KCNMA1: variants seen among roughly 807,000 people sequenced by gnomAD.
KCNMA1 encodes potassium calcium-activated channel subfamily M alpha 1, also known as Calcium-activated potassium channel subunit alpha-1.
In KCNMA1, 29 loss-of-function variants were observed where a neutral mutation model predicts 140.0. That is an observed-to-expected ratio of 0.21 (90% CI 0.15 to 0.28). The LOEUF (loss-of-function observed/expected upper bound fraction) is 0.28. KCNMA1 is among the 10% of genes least tolerant of loss of function. The pLI is 1.00. For missense variants in KCNMA1, 880 were observed against 1,602.2 expected, an observed-to-expected ratio of 0.55 and a Z score of 7.70; for synonymous variants, 612 against 611.9, an observed-to-expected ratio of 1.00 and a Z score of 0.00.
At chr10:77,407,032 C>T (rs964101473) in intron 1 of KCNMA1, among the ~76,000 whole-genome samples, 3 of 152,176 alleles carry the variant, frequency 2.0e-5, no homozygotes, top group Non-Finnish European at 2.9e-5. Context: ...AATGCTATTT[C>T]GCCAGCCCTC....
At chr10:77,008,919 T>A in intron 18 of KCNMA1, among the ~76,000 whole-genome samples, 1 of 152,236 alleles carries the variant, frequency 6.6e-6, no homozygotes, top group South Asian at 2.1e-4. Flanking sequence ...AACTAAAACA[T>A]CTTCTCCAAT....
At chr10:77,157,105 G>A (rs542883356) in intron 5 of KCNMA1, among the ~76,000 whole-genome samples, 84 of 152,206 alleles carry the variant, frequency 5.5e-4, no homozygotes, top group African/African-American at 1.9e-3. Context: ...AATCCACTGG[G>A]TGACTACACA....
At chr10:77,252,943 C>G (rs534867234) in intron 2 of KCNMA1, among the ~76,000 whole-genome samples, 3 of 151,996 alleles carry the variant, frequency 2.0e-5, no homozygotes, top group Admixed American at 1.3e-4. Context: ...AATTATCACC[C>G]GCCCAGCACT....
intron 10 of KCNMA1, among the ~76,000 whole-genome samples, chr10:77,090,153 G>C (rs151134966): frequency 6.6e-6 from 1 of 152,076 alleles, no homozygotes; most frequent in African/African-American, 2.4e-5. Context: ...AGATAAACTC[G>C]GATGTGGTCC....
chr10:77,198,874 T>C (rs1420122071), intron 3 of KCNMA1, among the ~76,000 whole-genome samples: 1 of 152,120 alleles, frequency 6.6e-6, no homozygotes, highest in Non-Finnish European at 1.5e-5. Context: ...TGCTTATAAA[T>C]TACTCCTTCT....
intron 19 of KCNMA1, 72 bp downstream of exon 19, chr10:77,001,335 G>A: frequency 2.9e-6 from 4 of 1,391,852 alleles, no homozygotes; most frequent in Non-Finnish European, 4.0e-6. Context: ...GAACCACAGG[G>A]CACAGCACAA....
At chr10:77,275,961 C>G (rs956227835) in intron 2 of KCNMA1, among the ~76,000 whole-genome samples, 4 of 152,198 alleles carry the variant, frequency 2.6e-5, no homozygotes, top group African/African-American at 9.7e-5. Flanking sequence ...CCTCACCAGC[C>G]CTGTCCCATG....
chr10:77,277,890 A>G (rs1292877514), intron 2 of KCNMA1, among the ~76,000 whole-genome samples: 2 of 152,198 alleles, frequency 1.3e-5, no homozygotes, highest in African/African-American at 2.4e-5. Flanking sequence ...GGGACTTTTC[A>G]GTTTCTAAGA....
At chr10:77,589,710 G>C (rs1039213346) in intron 1 of KCNMA1, among the ~76,000 whole-genome samples, 87 of 152,132 alleles carry the variant, frequency 5.7e-4, no homozygotes, top group African/African-American at 2.0e-3. Context: ...TCCTTCTGGT[G>C]GGTTCATGGT....
intron 2 of KCNMA1, among the ~76,000 whole-genome samples, chr10:77,330,295 C>T (rs1340989946): frequency 6.6e-6 from 1 of 152,190 alleles, no homozygotes; most frequent in Non-Finnish European, 1.5e-5. Context: ...CACAACAGAG[C>T]CACTCTCCAC....
At chr10:76,926,895 A>G (rs1175097649) in intron 23 of KCNMA1, among the ~76,000 whole-genome samples, 1 of 152,156 alleles carries the variant, frequency 6.6e-6, no homozygotes, top group Non-Finnish European at 1.5e-5. Context: ...CCAGGTACAC[A>G]TCATATCCTC....
chr10:77,300,786 C>T (rs1365807032), intron 2 of KCNMA1, among the ~76,000 whole-genome samples: 1 of 152,204 alleles, frequency 6.6e-6, no homozygotes, highest in African/African-American at 2.4e-5. Context: ...AAGCCACCAT[C>T]TCCTTTCTTC....
chr10:77,055,410 G>A (rs749256129), intron 14 of KCNMA1, among the ~76,000 whole-genome samples: 3 of 152,254 alleles, frequency 2.0e-5, no homozygotes, highest in South Asian at 2.1e-4. Flanking sequence ...TAACTAATGC[G>A]AGGTAACTCT....
chr10:77,430,943 A>C (rs1237008050), intron 1 of KCNMA1, among the ~76,000 whole-genome samples: 1 of 152,120 alleles, frequency 6.6e-6, no homozygotes, highest in Non-Finnish European at 1.5e-5. Context: ...CAACACAATA[A>C]AGCCTCCCCA....
At chr10:77,225,569 G>A (rs777328115) in intron 3 of KCNMA1, among the ~76,000 whole-genome samples, 4 of 152,138 alleles carry the variant, frequency 2.6e-5, no homozygotes, top group Admixed American at 1.3e-4. Flanking sequence ...ACAGGCCTGC[G>A]GAGTGCAGTG....
At chr10:76,907,928 G>C (rs955109383) in intron 25 of KCNMA1, among the ~76,000 whole-genome samples, 1 of 152,100 alleles carries the variant, frequency 6.6e-6, no homozygotes, top group African/African-American at 2.4e-5. Context: ...TATGTAGCCA[G>C]TCCTGCTAGA....
At chr10:77,284,359 C>A (rs2069889155) in intron 2 of KCNMA1, among the ~76,000 whole-genome samples, 1 of 152,044 alleles carries the variant, frequency 6.6e-6, no homozygotes. Flanking sequence ...GTTGAGACAG[C>A]CTATTGATAA....
At chr10:77,077,683 C>T (rs2096441282) in intron 13 of KCNMA1, among the ~76,000 whole-genome samples, 1 of 152,214 alleles carries the variant, frequency 6.6e-6, no homozygotes, top group Non-Finnish European at 1.5e-5. Context: ...AGCACTCCCA[C>T]ACTAAATGAA....
intron 17 of KCNMA1, among the ~76,000 whole-genome samples, chr10:77,014,683 T>G: frequency 6.6e-6 from 1 of 152,114 alleles, no homozygotes. Flanking sequence ...GATGTTTGCC[T>G]GGCTTATTTC....
Sources: allele counts gnomAD v4.1 joint callset (sites outside exome capture counted in the v4.1 genomes callset), GRCh38; gene constraint gnomAD v4.1.1; transcripts MANE v1.5; gene names NCBI Gene and HGNC (gene_info 2026-07-23, HGNC 2026-07-21).